APBB2: variants seen among roughly 807,000 people sequenced by gnomAD.
The protein encoded by APBB2 is Fe65-like 1.
Under a neutral mutation model 82.5 loss-of-function variants are expected in APBB2, and 38 were observed. The observed-to-expected ratio is 0.46, with a 90% CI of 0.36 to 0.60. The LOEUF is 0.60. Ranked by LOEUF, APBB2 falls within the 20% of genes least tolerant of loss-of-function variation. APBB2 has a pLI of 0.00. For missense variants in APBB2, 772 were observed against 972.3 expected (o/e 0.79, Z 2.74); for synonymous variants, 341 against 368.2 (o/e 0.93, Z 0.85).
intron 10 of APBB2, among the ~76,000 whole-genome samples, chr4:40,899,596 T>C (rs1424083243): frequency 1.3e-5 from 2 of 152,222 alleles, no homozygotes; most frequent in African/African-American, 4.8e-5. Context: ...TGAACAGTGA[T>C]AAGGAAATGA....
chr4:40,951,625 G>A (rs1341009169), intron 6 of APBB2, among the ~76,000 whole-genome samples: 1 of 152,190 alleles, frequency 6.6e-6, no homozygotes, highest in East Asian at 1.9e-4. Context: ...CAACCTCTTT[G>A]GGCTTCAGAT....
At chr4:40,867,171 CT>C (rs1764239500) in intron 12 of APBB2, among the ~76,000 whole-genome samples, 1 of 152,174 alleles carries the variant, frequency 6.6e-6, no homozygotes, top group African/African-American at 2.4e-5. Context: ...TCTGTAGGTG[CT>C]TTTGCCTACC....
At chr4:40,904,795 C>T (rs1181317809) in intron 10 of APBB2, among the ~76,000 whole-genome samples, 1 of 151,560 alleles carries the variant, frequency 6.6e-6, no homozygotes, top group Admixed American at 6.6e-5. Flanking sequence ...CCCAGTTCTC[C>T]ATCCGGCTGA....
Position 41,100,223 on chromosome 4 carries a change from A to C in APBB2, c.-149+416T>G, listed in dbSNP as rs559143501. The stretch of plus-strand genomic sequence containing the variant: ...TCCAGACAAGAAAAGAACCAAGTCG[A>C]TTTCATACTTATTCTAAAAATTCAG... On this transcript the variant is annotated intron_variant, in intron 3 of 17. Coordinates refer to ENST00000508593, the MANE Select transcript of APBB2 (RefSeq NM_004307.2). Among the ~76,000 whole-genome samples the C allele has an allele frequency of 4.6e-5, 7 of 152,332 alleles. No individual in the cohort carries two copies. In the East Asian group the frequency reaches 1.3e-3, roughly 29 times the overall value.
In APBB2 at chr4:41,014,095, C is replaced by T. The variant is rs139474312; in HGVS notation, c.323G>A (p.Arg108His). The change falls in exon 6 of 18, where the codon CGT (arginine) becomes CAT (histidine). Residue 108 changes from arginine to histidine, a missense_variant. Coordinates refer to ENST00000508593, the MANE Select transcript of APBB2 (RefSeq NM_004307.2). ...CTGCTGCCCTTGCTCTGCAGCCTTA[C>T]GGAGCTGGTTCTCCCCATTTTTCAC... ...KLVKNGENQL[R>H]KAAEQGQQDP... 1.4e-5 allele frequency: 22 copies of T among 1,614,172 alleles called. No individual in the cohort carries two copies. The Admixed American group carries it at 1.5e-4, about 11-fold the overall frequency.
intron 10 of APBB2, among the ~76,000 whole-genome samples, chr4:40,931,115 C>A (rs1046268239): frequency 6.6e-6 from 1 of 152,104 alleles, no homozygotes; most frequent in Non-Finnish European, 1.5e-5. Flanking sequence ...TCTTGGTGGA[C>A]TGCAAGAATG....
At chr4:41,014,526 G>A (rs2154430081) in intron 5 of APBB2, 128 bp from the exon 6 acceptor site, 2 of 897,982 alleles carry the variant, frequency 2.2e-6, no homozygotes, top group Non-Finnish European at 3.5e-6. Flanking sequence ...CTCATAGAAT[G>A]GACCCATTTT....
chr4:41,085,226 G>C (rs1330112451), intron 3 of APBB2, among the ~76,000 whole-genome samples: 1 of 150,246 alleles, frequency 6.7e-6, no homozygotes, highest in Non-Finnish European at 1.5e-5. Flanking sequence ...ACTCCAGCCT[G>C]GGTGACAGAG....
At chr4:40,990,080 T>C (rs1290485190) in intron 6 of APBB2, 1 of 152,252 alleles carries the variant, frequency 6.6e-6, no homozygotes, top group East Asian at 1.9e-4. Context: ...TGTCCATCCA[T>C]AGATGACTGA....
At chr4:41,034,108 A>G (rs746059140) in intron 4 of APBB2, among the ~76,000 whole-genome samples, 31 of 152,210 alleles carry the variant, frequency 2.0e-4, no homozygotes, top group Admixed American at 2.0e-3. Context: ...TTTTGAATGC[A>G]TGGATCCCAC....
rs777808990 is a variant in APBB2, at chr4:41,127,844, C to T, written c.-261+15143G>A. 5.9e-5 allele frequency among the ~76,000 whole-genome samples: 9 copies of T among 152,118 alleles called. No homozygotes were observed. Among genetic ancestry groups the T allele is most frequent in the African/African-American group, 1.7e-4 (7 of 41,492 alleles). On this transcript the variant is annotated intron_variant, in intron 2 of 17. Transcript: ENST00000508593. This position sits in a 1 kb window ranked among gnomAD's most constrained non-coding sequence, Gnocchi z 4.8. Reference sequence around the variant, plus strand: ...CTTGTAATCCCAGCACTTTGGGAGGCGGAGGCGGGTGGATTACCTGAGGTC... The same window carrying T: ...CTTGTAATCCCAGCACTTTGGGAGGTGGAGGCGGGTGGATTACCTGAGGTC...
chr4:40,974,832 C>T lies in APBB2; in HGVS notation c.836-29759G>A, dbSNP rs77424720. Among the ~76,000 whole-genome samples, 723 of 152,296 alleles carry T rather than the reference C, an allele frequency of 4.7e-3. 8 individuals carry two copies. The highest frequency in any genetic ancestry group is 0.017 in the African/African-American group (707 of 41,550). ...CACATTTCTAGTGGAGCCAAAGCAA[C>T]CTTACATTACAAATGCCGAGGGGCA... On this transcript the variant is annotated intron_variant, in intron 6 of 17. Transcript: ENST00000508593.
At chr4:40,842,398 G>C (rs1048642379) in intron 12 of APBB2, 2 of 455,376 alleles carry the variant, frequency 4.4e-6, no homozygotes, top group African/African-American at 2.0e-5. Context: ...AGGCGTGAGG[G>C]AACAGAGCAG....
chr4:41,057,810 C>T (rs1191155131), intron 4 of APBB2, among the ~76,000 whole-genome samples: 2 of 152,188 alleles, frequency 1.3e-5, no homozygotes, highest in Admixed American at 6.5e-5. Flanking sequence ...CTTCTGGAGG[C>T]TGCTCGCAGA....
At chr4:40,887,638 G>A (rs182691841) in intron 12 of APBB2, among the ~76,000 whole-genome samples, 1 of 152,264 alleles carries the variant, frequency 6.6e-6, no homozygotes, top group East Asian at 1.9e-4. Context: ...GGGACCAATG[G>A]GGAGAAACAG....
intron 17 of APBB2, among the ~76,000 whole-genome samples, 190 bp from the exon 18 acceptor site, chr4:40,816,449 A>G (rs1745672452): frequency 6.6e-6 from 1 of 152,234 alleles, no homozygotes; most frequent in African/African-American, 2.4e-5. Flanking sequence ...AGGCTCAACA[A>G]AGGGGTTTTG....
At chr4:40,871,516 T>C (rs73148552) in intron 12 of APBB2, among the ~76,000 whole-genome samples, 7,588 of 152,280 alleles carry the variant, frequency 0.05, 642 homozygotes, top group African/African-American at 0.17. Flanking sequence ...GGAGTGTCCA[T>C]ATTAACAGCT....
chr4:41,146,980 T>C (rs975684374), intron 1 of APBB2, among the ~76,000 whole-genome samples: 6 of 152,212 alleles, frequency 3.9e-5, no homozygotes, highest in African/African-American at 1.4e-4. Context: ...AAAATGCTTT[T>C]TCTCCACCCA....
At chr4:40,975,543 C>G (rs1000074926) in intron 6 of APBB2, among the ~76,000 whole-genome samples, 1 of 152,144 alleles carries the variant, frequency 6.6e-6, no homozygotes, top group African/African-American at 2.4e-5. Context: ...AGCACAATCC[C>G]TGGTACATGC....
Sources: gnomAD v4.1 joint callset for allele counts (sites outside exome capture counted in the v4.1 genomes callset) on GRCh38, gnomAD v4.1.1 for gene constraint, Gnocchi (gnomAD v3.1) non-coding constraint, MANE v1.5 for transcripts, NCBI Gene and HGNC (gene_info 2026-07-23, HGNC 2026-07-21) for gene names.